GJB7: variants seen among roughly 807,000 people sequenced by gnomAD.
The protein encoded by GJB7 is gap junction beta-7 protein.
For synonymous variants in GJB7, 87 were observed against 95.2 expected, an observed-to-expected ratio of 0.91 and a Z score of 0.50; for missense variants, 253 against 256.8, an observed-to-expected ratio of 0.99 and a Z score of 0.10.
intron 1 of GJB7, among the ~76,000 whole-genome samples, chr6:87,325,578 G>A (rs1776797969): frequency 2.7e-5 from 4 of 150,222 alleles, no homozygotes; most frequent in Middle Eastern, 3.2e-3. Flanking sequence ...TTATTGATTT[G>A]CATATATTGA....
chr6:87,321,182 G>T (rs1776652581), intron 2 of GJB7, among the ~76,000 whole-genome samples: 1 of 146,002 alleles, frequency 6.8e-6, no homozygotes, highest in Non-Finnish European at 1.5e-5. Context: ...TCATGCCACT[G>T]CACTCCAGCC....
intron 2 of GJB7, among the ~76,000 whole-genome samples, chr6:87,290,726 G>C (rs1419768034): frequency 6.6e-6 from 1 of 152,146 alleles, no homozygotes; most frequent in African/African-American, 2.4e-5. Flanking sequence ...CACCTGTTTT[G>C]TAAATAACAC....
chr6:87,323,296 T>A (rs557453923), intron 1 of GJB7, among the ~76,000 whole-genome samples: 3 of 152,228 alleles, frequency 2.0e-5, no homozygotes, highest in Non-Finnish European at 2.9e-5. Context: ...GTTATTATTA[T>A]AAGTTTTAGG....
intron 2 of GJB7, among the ~76,000 whole-genome samples, chr6:87,314,372 T>C (rs767462021): frequency 3.9e-5 from 6 of 152,146 alleles, no homozygotes; most frequent in African/African-American, 1.2e-4. Flanking sequence ...TTCTGGGAAG[T>C]AGGTTTGGGC....
intron 2 of GJB7, among the ~76,000 whole-genome samples, chr6:87,301,776 C>T (rs1174452166): frequency 6.6e-6 from 1 of 152,208 alleles, no homozygotes; most frequent in Non-Finnish European, 1.5e-5. Context: ...GGGAGGCATC[C>T]CCCAGTAGGG....
At chr6:87,315,996 A>G (rs1256754171) in intron 2 of GJB7, among the ~76,000 whole-genome samples, 1 of 152,110 alleles carries the variant, frequency 6.6e-6, no homozygotes, top group Non-Finnish European at 1.5e-5. Flanking sequence ...TGCAACTGAA[A>G]TAACAGGTGT....
At chr6:87,286,910 AACTG>A (rs1776070540) in intron 2 of GJB7, among the ~76,000 whole-genome samples, 1 of 152,238 alleles carries the variant, frequency 6.6e-6, no homozygotes, top group African/African-American at 2.4e-5. Flanking sequence ...AATTTCCATT[AACTG>A]ACAGCAAGGT....
intron 2 of GJB7, among the ~76,000 whole-genome samples, chr6:87,287,596 C>T (rs747895436): frequency 3.3e-5 from 5 of 152,106 alleles, no homozygotes; most frequent in South Asian, 2.1e-4. Flanking sequence ...TTAAGCCTAC[C>T]GGAAAGGTTA....
chr6:87,324,114 TG>T lies in GJB7; in HGVS notation c.-205-1072del, dbSNP rs963681419. ...TTCATGTCCTTCGCCCACTTTTTGATGGGGTTCTTTGTTTTTGTCTTGTAAA... is the reference window on the plus strand; with the variant it reads ...TTCATGTCCTTCGCCCACTTTTTGATGGGTTCTTTGTTTTTGTCTTGTAAA... On this transcript the variant is annotated intron_variant, in intron 1 of 2. Transcript: ENST00000525899. 3.0e-4 allele frequency among the ~76,000 whole-genome samples: 45 copies of T among 152,012 alleles called. 1 individual carries two copies. Among genetic ancestry groups the T allele is most frequent in the African/African-American group, 9.2e-4 (38 of 41,306 alleles).
Position 87,285,419 on chromosome 6 carries a change from C to T in GJB7, c.-27-480G>A, listed in dbSNP as rs566012697. ...CCAGTCCTTAAGGTTTATTACCTGCCCCTGCTTCTTCTTGGTTCCCATATC... is the reference window on the plus strand; with the variant it reads ...CCAGTCCTTAAGGTTTATTACCTGCTCCTGCTTCTTCTTGGTTCCCATATC... On this transcript the variant is annotated intron_variant, in intron 2 of 2. Transcript: ENST00000525899. 3.3e-5 allele frequency among the ~76,000 whole-genome samples: 5 copies of T among 152,252 alleles called. No homozygotes were observed. The East Asian group carries it at 9.6e-4, about 29-fold the overall frequency.
intron 1 of GJB7, among the ~76,000 whole-genome samples, chr6:87,323,645 G>A (rs1312563415): frequency 6.6e-6 from 1 of 152,028 alleles, no homozygotes; most frequent in African/African-American, 2.4e-5. Flanking sequence ...TGGTGTATAT[G>A]TGCCACATTT....
intron 1 of GJB7, among the ~76,000 whole-genome samples, chr6:87,325,856 T>G (rs2127916050): frequency 6.6e-6 from 1 of 152,380 alleles, no homozygotes; most frequent in South Asian, 2.1e-4. Context: ...AGTTCCTCCT[T>G]GTACCTCTGT....
chr6:87,316,894 G>C (rs1776591886), intron 2 of GJB7, among the ~76,000 whole-genome samples: 1 of 152,260 alleles, frequency 6.6e-6, no homozygotes, highest in South Asian at 2.1e-4. Context: ...TGTTCATTCT[G>C]TCTCCTCTGA....
intron 2 of GJB7, among the ~76,000 whole-genome samples, chr6:87,314,980 C>T (rs930364628): frequency 2.6e-5 from 4 of 152,128 alleles, no homozygotes; most frequent in Admixed American, 1.3e-4. Flanking sequence ...CTCTCTTGTG[C>T]ACTCAGAGAC....
At chr6:87,312,771 T>C (rs913839288) in intron 2 of GJB7, among the ~76,000 whole-genome samples, 5 of 152,194 alleles carry the variant, frequency 3.3e-5, no homozygotes, top group Admixed American at 3.3e-4. Context: ...GAACACTCTT[T>C]ACCCGCCTCC....
chr6:87,306,744 T>C (rs1438819411), intron 2 of GJB7, among the ~76,000 whole-genome samples: 1 of 152,220 alleles, frequency 6.6e-6, no homozygotes, highest in Non-Finnish European at 1.5e-5. Flanking sequence ...ATTGCAGCAC[T>C]ATTTACAATA....
chr6:87,322,105 A>G (rs940954998), intron 2 of GJB7, among the ~76,000 whole-genome samples: 26 of 152,150 alleles, frequency 1.7e-4, no homozygotes, highest in Admixed American at 7.9e-4. Context: ...CAGCATCCCT[A>G]TATCTATTCT....
intron 2 of GJB7, chr6:87,299,985 G>A (rs1348655758): frequency 3.0e-6 from 1 of 333,796 alleles, no homozygotes; most frequent in Non-Finnish European, 5.9e-6. Flanking sequence ...GGTGGGACAA[G>A]TGATGTCAAA....
At chr6:87,307,756 G>C (rs528690110) in intron 2 of GJB7, among the ~76,000 whole-genome samples, 3 of 152,296 alleles carry the variant, frequency 2.0e-5, no homozygotes, top group African/African-American at 7.2e-5. Context: ...GGAGAAATAG[G>C]AACACTTTTA....
Sources: allele counts gnomAD v4.1 joint callset (sites outside exome capture counted in the v4.1 genomes callset), GRCh38; gene constraint gnomAD v4.1.1; transcripts MANE v1.5; gene names NCBI Gene and HGNC (gene_info 2026-07-23, HGNC 2026-07-21).